Variants in PIAS2 observed in about 807,000 individuals in gnomAD.
PIAS2 encodes the protein E3 SUMO-protein ligase PIAS2.
Under a neutral mutation model 69.7 loss-of-function variants are expected in PIAS2, and 19 were observed. The ratio of observed to expected loss-of-function variants is 0.27; its 90% CI spans 0.19 to 0.40. The LOEUF (loss-of-function observed/expected upper bound fraction) is 0.40. PIAS2 is among the 10% of genes least tolerant of loss of function. PIAS2 has a pLI of 1.00. For missense variants in PIAS2, 624 were observed against 757.0 expected (o/e 0.82, Z 2.06); for synonymous variants, 261 against 263.2 (o/e 0.99, Z 0.08).
intron 1 of PIAS2, among the ~76,000 whole-genome samples, chr18:46,913,532 G>C (rs548383242): frequency 6.6e-6 from 1 of 150,892 alleles, no homozygotes; most frequent in African/African-American, 2.4e-5. Flanking sequence ...ATGAAAAGAA[G>C]GGGATGAAGA....
At chr18:46,884,162 T>C (rs540649863) in intron 2 of PIAS2, among the ~76,000 whole-genome samples, 73 of 152,288 alleles carry the variant, frequency 4.8e-4, no homozygotes, top group African/African-American at 1.7e-3. Flanking sequence ...ATGGTAATGT[T>C]CCTTTTTCAG....
chr18:46,812,922 A>G (rs1387621003), intron 13 of PIAS2, among the ~76,000 whole-genome samples: 6 of 152,164 alleles, frequency 3.9e-5, no homozygotes, highest in Non-Finnish European at 8.8e-5. Flanking sequence ...ATTGGCCCTA[A>G]TCTCAAAAAG....
chr18:46,889,020 A>C (rs1598858476), intron 2 of PIAS2, among the ~76,000 whole-genome samples: 1 of 152,322 alleles, frequency 6.6e-6, no homozygotes, highest in East Asian at 1.9e-4. Flanking sequence ...GTGGGGAAAA[A>C]CTGGATATCC....
intron 12 of PIAS2, among the ~76,000 whole-genome samples, chr18:46,819,241 T>C (rs987870432): frequency 7.9e-5 from 12 of 152,110 alleles, no homozygotes; most frequent in African/African-American, 2.9e-4. Flanking sequence ...CAACAACCCA[T>C]GTTACAGCCA....
At chr18:46,893,360 T>C (rs2054353125) in intron 1 of PIAS2, 1 of 437,298 alleles carries the variant, frequency 2.3e-6, no homozygotes, top group African/African-American at 2.1e-5. Flanking sequence ...TTATACTTAT[T>C]GTCAGATATT....
chr18:46,817,201 C>T, intron 12 of PIAS2: 1 of 964,386 alleles, frequency 1.0e-6, no homozygotes, highest in South Asian at 4.8e-5. Context: ...TTAATATTTG[C>T]TGTATCTCTC....
intron 1 of PIAS2, chr18:46,891,716 G>C: frequency 1.3e-6 from 1 of 740,762 alleles, no homozygotes; most frequent in South Asian, 6.1e-5. Flanking sequence ...AAAGACCTTT[G>C]AAGAGCAAGG....
intron 1 of PIAS2, among the ~76,000 whole-genome samples, chr18:46,901,877 C>T (rs892674652): frequency 6.6e-6 from 1 of 152,146 alleles, no homozygotes; most frequent in African/African-American, 2.4e-5. Flanking sequence ...GGCAAAGATG[C>T]CTACTATCAC....
Position 46,815,745 on chromosome 18 carries a change from G to T in PIAS2, c.1649-396C>A, listed in dbSNP as rs181432805. 1.9e-5 allele frequency: 19 copies of T among 1,001,144 alleles called. No homozygotes were observed. In the East Asian group the frequency reaches 1.6e-3, roughly 83 times the overall value. 62.0% of individuals were successfully genotyped at this position (1,001,144 alleles called of 1,614,324 possible). ...TAAGATATTTCACATTTATTTTTCA[G>T]AAATACAGAGGTTCATCTAAGTATC... is the stretch of plus-strand genomic sequence containing the variant. On this transcript the variant is annotated intron_variant, in intron 12 of 13. Coordinates refer to ENST00000585916, the MANE Select transcript of PIAS2 (RefSeq NM_004671.5).
At position 46,888,969 on chromosome 18, in the gene PIAS2, A is replaced by G. The variant is rs570068624; in HGVS notation, c.499+1611T>C. On this transcript the variant is annotated intron_variant, in intron 2 of 13. Coordinates refer to ENST00000585916, the MANE Select transcript of PIAS2 (RefSeq NM_004671.5). ...CAAATACTTTTTGACAAGGGTGCTA[A>G]GATCATTCAGTGAGGGAAAGGACAG... Among the ~76,000 whole-genome samples, 6 of 152,342 alleles carry G rather than the reference A, an allele frequency of 3.9e-5. No individual in the cohort carries two copies. In the South Asian group the frequency reaches 1.2e-3, roughly 32 times the overall value.
chr18:46,837,205 T>C (rs895873511), intron 8 of PIAS2, among the ~76,000 whole-genome samples: 9 of 151,868 alleles, frequency 5.9e-5, no homozygotes, highest in Non-Finnish European at 7.4e-5. Flanking sequence ...CCACAAAAAG[T>C]ACCTATTGGG....
Position 46,890,734 on chromosome 18 carries a change from G to C in PIAS2, c.345C>G (p.Ser115=), listed in dbSNP as rs115095049. 3 of 1,614,164 alleles carry C rather than the reference G, an allele frequency of 1.9e-6. No individual in the cohort carries two copies. The highest frequency in any genetic ancestry group is 8.5e-7 in the Non-Finnish European group (1 of 1,180,024). ...PSTSVTPHSP[S]SPVGSVLLQD... is the part of the protein sequence containing the mutation. The stretch of plus-strand genomic sequence containing the variant: ...GAAGCAGCACAGAACCAACAGGAGA[G>C]GATGGTGAGTGAGGTGTAACTGAAG... The change falls in exon 2 of 14, where the codon TCC becomes TCG. Residue 115 remains serine, a synonymous_variant. Coordinates refer to ENST00000585916, the MANE Select transcript of PIAS2 (RefSeq NM_004671.5).
At chr18:46,838,993 G>A (rs902938454) in intron 8 of PIAS2, among the ~76,000 whole-genome samples, 3 of 151,918 alleles carry the variant, frequency 2.0e-5, no homozygotes, top group Non-Finnish European at 2.9e-5. Flanking sequence ...TGAGATAACC[G>A]GTTTTTTATA....
intron 1 of PIAS2, 127 bp from the exon 2 acceptor site, chr18:46,891,181 T>C: frequency 1.4e-6 from 1 of 702,066 alleles, no homozygotes. Context: ...TAACAGCATT[T>C]CACATACCAC....
At chr18:46,876,403 T>C (rs2051197059) in intron 2 of PIAS2, among the ~76,000 whole-genome samples, 2 of 152,158 alleles carry the variant, frequency 1.3e-5, no homozygotes, top group Admixed American at 1.3e-4. Flanking sequence ...GTAGATTGGA[T>C]AAATTACATC....
rs1183894370 is a variant in PIAS2, at chr18:46,808,880, C to T, written c.*3553G>A. 2 of 144,258 alleles carry T rather than the reference C, an allele frequency of 1.4e-5. No individual in the cohort carries two copies. The highest frequency in any genetic ancestry group is 4.4e-4 in the South Asian group (2 of 4,580). 8.9% of individuals were successfully genotyped at this position (144,258 alleles called of 1,614,324 possible). On this transcript the variant is annotated 3_prime_UTR_variant, in exon 14 of 14. Transcript: ENST00000585916. ...AGGCCAGAGAAATGAAAGGCATACC[C>T]GTGAATTAAATTAATGCTTTAAAAA...
chr18:46,879,847 A>G lies in PIAS2; in HGVS notation c.499+10733T>C, dbSNP rs549119790. Among the ~76,000 whole-genome samples the G allele has an allele frequency of 3.3e-5, 5 of 152,318 alleles. No individual in the cohort carries two copies. In the South Asian group the frequency reaches 8.3e-4, roughly 25 times the overall value. On this transcript the variant is annotated intron_variant, in intron 2 of 13. Coordinates refer to ENST00000585916, the MANE Select transcript of PIAS2 (RefSeq NM_004671.5). ...ACACGTAAGTCAAATAATAAGACAT[A>G]TAAGTATGATTCTACTTATATGAGA...
chr18:46,808,248 C>G lies in PIAS2; in HGVS notation c.*4185G>C, dbSNP rs1324239910. The G allele has an allele frequency of 1.3e-5, 2 of 152,036 alleles. No individual in the cohort carries two copies. The highest frequency in any genetic ancestry group is 1.9e-4 in the East Asian group (1 of 5,190). The allele number at this position is 152,036 out of a possible 1,614,324, so 9.4% of individuals were successfully genotyped here. A position where few individuals can be genotyped will look rare whatever the true frequency, so the allele number is the denominator to read the frequency against. ...AGCAAAGACAATGGCAAGGAAGATG[C>G]AAAAATATCAAGTGATTTTTTCTGG... On this transcript the variant is annotated 3_prime_UTR_variant, in exon 14 of 14. Transcript: ENST00000585916.
At chr18:46,835,873 C>A (rs1442287211) in intron 9 of PIAS2, among the ~76,000 whole-genome samples, 1 of 152,142 alleles carries the variant, frequency 6.6e-6, no homozygotes. Context: ...TAGTTCATGT[C>A]ATTTTCCAAA....
Sources: gnomAD v4.1 joint callset for allele counts (sites outside exome capture counted in the v4.1 genomes callset) on GRCh38, gnomAD v4.1.1 for gene constraint, MANE v1.5 for transcripts, NCBI Gene and HGNC (gene_info 2026-07-23, HGNC 2026-07-21) for gene names.